MRPL30: variants seen among roughly 807,000 people sequenced by gnomAD.
MRPL30 encodes mitochondrial ribosomal protein L30, also known as large ribosomal subunit protein uL30m.
MRPL30 carries 10 observed loss-of-function variants against 17.2 expected under a neutral mutation model. That is an observed-to-expected ratio of 0.58 (90% CI 0.36 to 0.99). The LOEUF (loss-of-function observed/expected upper bound fraction) is 0.99, where lower values mean the gene tolerates loss of function less well. Ranked by LOEUF, MRPL30 falls within the 50% of genes least tolerant of loss-of-function variation. The pLI, the probability that MRPL30 is intolerant of heterozygous loss-of-function variation, is 0.01. For synonymous variants in MRPL30, 61 were observed against 62.1 expected, an observed-to-expected ratio of 0.98 and a Z score of 0.08; for missense variants, 170 against 189.8, an observed-to-expected ratio of 0.90 and a Z score of 0.61.
rs761414419 is a variant in MRPL30 at position 99,195,096 on chromosome 2, TTTG to T, written c.280-8_280-6del. ...CTGCTTTTCAGATTGATAACGTTGC[TTTG>T]TTGTTGTTGTTCACAGGCACATACC... On this transcript the variant is annotated splice_polypyrimidine_tract_variant and intron_variant, in intron 4 of 5. Coordinates refer to ENST00000338148, the MANE Select transcript of MRPL30 (RefSeq NM_145212.4). The T allele has an allele frequency of 2.4e-4, 370 of 1,562,052 alleles. No homozygotes were observed. Among genetic ancestry groups the T allele is most frequent in the South Asian group, 5.3e-4 (44 of 83,152 alleles).
rs1019838909 is a variant in MRPL30 at position 99,197,801 on chromosome 2, C to T, written c.*2096C>T. On this transcript the variant is annotated 3_prime_UTR_variant, in exon 6 of 6. Transcript: ENST00000338148. ...GACTACAGATACATGCCACCGCTCC[C>T]GGCTAGTATTTTTTAAAATTTTTTG... is the stretch of plus-strand genomic sequence containing the variant. Among the ~76,000 whole-genome samples the T allele has an allele frequency of 2.8e-5, 4 of 144,966 alleles. No homozygotes were observed. Among genetic ancestry groups the T allele is most frequent in the Non-Finnish European group, 6.1e-5 (4 of 65,940 alleles).
At chr2:99,192,772 A>G (rs1245981715) in intron 3 of MRPL30, among the ~76,000 whole-genome samples, 1 of 152,214 alleles carries the variant, frequency 6.6e-6, no homozygotes, top group African/African-American at 2.4e-5. Flanking sequence ...TGCTGAGTCC[A>G]ATGGTATTTC....
intron 1 of MRPL30, among the ~76,000 whole-genome samples, chr2:99,182,716 C>T (rs1480639555): frequency 6.6e-6 from 1 of 152,206 alleles, no homozygotes; most frequent in Non-Finnish European, 1.5e-5. Context: ...TTGACTATCA[C>T]ACCTTCAGAA....
At chr2:99,193,158 G>A (rs1285886122) in intron 3 of MRPL30, among the ~76,000 whole-genome samples, 1 of 152,090 alleles carries the variant, frequency 6.6e-6, no homozygotes, top group African/African-American at 2.4e-5. Flanking sequence ...CAAAAAGTGG[G>A]CAAAGGAAAT....
At chr2:99,188,334 T>G in intron 3 of MRPL30, 77 bp downstream of exon 3, 1 of 1,078,476 alleles carries the variant, frequency 9.3e-7, no homozygotes, top group Non-Finnish European at 1.3e-6. Flanking sequence ...TTTTGTAATA[T>G]TGGAAGATTT....
In MRPL30 at chr2:99,196,266, A is replaced by G. The variant is rs2093955122; in HGVS notation, c.*561A>G. 1.3e-5 allele frequency: 2 copies of G among 153,606 alleles called. No homozygotes were observed. The highest frequency in any genetic ancestry group is 4.8e-5 in the African/African-American group (2 of 41,396). 9.5% of individuals were successfully genotyped at this position (153,606 alleles called of 1,614,324 possible). A position where few individuals can be genotyped will look rare whatever the true frequency, so the allele number is the denominator to read the frequency against. The stretch of plus-strand genomic sequence containing the variant: ...GTTTGGGTCTACTGCCACCTTAGCA[A>G]GCCTCATTAACCATTTTATAAAAAT... On this transcript the variant is annotated 3_prime_UTR_variant, in exon 6 of 6. Transcript: ENST00000338148.
chr2:99,188,080 G>A (rs909004542), intron 2 of MRPL30, 97 bp from the exon 3 acceptor site: 4 of 800,932 alleles, frequency 5.0e-6, no homozygotes, highest in Non-Finnish European at 7.9e-6. Flanking sequence ...TAATTATAGG[G>A]TAGGTTGGAA....
intron 3 of MRPL30, among the ~76,000 whole-genome samples, chr2:99,191,987 C>T (rs1159493942): frequency 6.6e-6 from 1 of 152,126 alleles, no homozygotes; most frequent in Non-Finnish European, 1.5e-5. Context: ...CCATCCTTCT[C>T]ATCCTAATCT....
At chr2:99,191,510 C>T (rs766676135) in intron 3 of MRPL30, among the ~76,000 whole-genome samples, 10 of 152,190 alleles carry the variant, frequency 6.6e-5, no homozygotes, top group Non-Finnish European at 1.3e-4. Flanking sequence ...TATCTAATTT[C>T]CCAGACTAAA....
At chr2:99,191,089 C>G (rs1426865259) in intron 3 of MRPL30, among the ~76,000 whole-genome samples, 1 of 151,818 alleles carries the variant, frequency 6.6e-6, no homozygotes, top group Non-Finnish European at 1.5e-5. Context: ...TCACTGCAAC[C>G]TCCATCTCCC....
At chr2:99,188,315 G>A (rs2093937865) in intron 3 of MRPL30, 58 bp downstream of exon 3, 1 of 1,306,258 alleles carries the variant, frequency 7.7e-7, no homozygotes, top group East Asian at 2.5e-5. Flanking sequence ...TGTTTTAAGT[G>A]GTACCCGTTT....
chr2:99,199,352 G>A lies in MRPL30; in HGVS notation c.*3647G>A, dbSNP rs927781290. Among the ~76,000 whole-genome samples, 2 of 151,974 alleles carry A rather than the reference G, an allele frequency of 1.3e-5. No individual in the cohort carries two copies. Among genetic ancestry groups the A allele is most frequent in the Non-Finnish European group, 2.9e-5 (2 of 68,006 alleles). On this transcript the variant is annotated 3_prime_UTR_variant, in exon 6 of 6. Transcript: ENST00000338148. ...AGACCTGAGGGAATTAATTAATAAG[G>A]AATCCTTGGAACACTGGAAATTCTA... is the stretch of plus-strand genomic sequence containing the variant.
chr2:99,194,659 G>T, intron 3 of MRPL30, 92 bp from the exon 4 acceptor site: 1 of 1,081,682 alleles, frequency 9.2e-7, no homozygotes, highest in Non-Finnish European at 1.3e-6. Context: ...TTATGTAGTT[G>T]TGTATGTGTG....
intron 3 of MRPL30, among the ~76,000 whole-genome samples, chr2:99,190,136 A>G (rs559907074): frequency 4.6e-5 from 7 of 152,032 alleles, no homozygotes; most frequent in Non-Finnish European, 1.0e-4. Flanking sequence ...AAAATTAATA[A>G]TAATAGTAAC....
At chr2:99,195,375 A>G in intron 5 of MRPL30, 186 bp downstream of exon 5, 3 of 738,802 alleles carry the variant, frequency 4.1e-6, no homozygotes, top group Non-Finnish European at 6.5e-6. Flanking sequence ...TTCAATATAT[A>G]TAAAGTATAG....
chr2:99,195,974 G>A lies in MRPL30; in HGVS notation c.*269G>A, dbSNP rs1014954611. 3 of 323,180 alleles carry A rather than the reference G, an allele frequency of 9.3e-6. No homozygotes were observed. The highest frequency in any genetic ancestry group is 4.6e-5 in the African/African-American group (2 of 43,826). The allele number at this position is 323,180 out of a possible 1,614,324, so 20.0% of individuals were successfully genotyped here. ...GCACATGCCTGTAACCCAGCTACTC[G>A]GGAGGCTGAAGCAGGAGAATCACTT... On this transcript the variant is annotated 3_prime_UTR_variant, in exon 6 of 6. Coordinates refer to ENST00000338148, the MANE Select transcript of MRPL30 (RefSeq NM_145212.4).
intron 5 of MRPL30, 151 bp downstream of exon 5, chr2:99,195,340 A>G: frequency 1.2e-6 from 1 of 800,858 alleles, no homozygotes; most frequent in Non-Finnish European, 1.9e-6. Flanking sequence ...ATAATTGTAC[A>G]TATTTATGGG....
chr2:99,191,829 C>T lies in MRPL30; in HGVS notation c.133-2922C>T, dbSNP rs140139381. On this transcript the variant is annotated intron_variant, in intron 3 of 5. Transcript: ENST00000338148. ...CTCAACATAGTCGCGCATAGTTTAA[C>T]TTCATCCTCTGCATTACTTTTCGTG... 2.7e-4 allele frequency among the ~76,000 whole-genome samples: 41 copies of T among 152,130 alleles called. No individual in the cohort carries two copies. In the South Asian group the frequency reaches 5.6e-3, roughly 21 times the overall value.
chr2:99,188,602 T>C (rs914741929), intron 3 of MRPL30, among the ~76,000 whole-genome samples: 1 of 152,228 alleles, frequency 6.6e-6, no homozygotes, highest in Non-Finnish European at 1.5e-5. Context: ...TCACTTTCCG[T>C]ATCGATCATT....
Sources: allele counts gnomAD v4.1 joint callset (sites outside exome capture counted in the v4.1 genomes callset), GRCh38; gene constraint gnomAD v4.1.1; transcripts MANE v1.5; gene names NCBI Gene and HGNC (gene_info 2026-07-23, HGNC 2026-07-21).